The following SQOR variants were observed in gnomAD, a reference collection of about 807,000 sequenced individuals.
The protein encoded by SQOR is sulfide quinone oxidoreductase, also known as sulfide:quinone oxidoreductase, mitochondrial.
SQOR carries 39 observed loss-of-function variants against 48.6 expected under a neutral mutation model. That is an observed-to-expected ratio of 0.80 (90% CI 0.62 to 1.05). The LOEUF (loss-of-function observed/expected upper bound fraction) is 1.05. SQOR is among the 50% of genes least tolerant of loss of function. The probability of loss-of-function intolerance (pLI) is 0.00; values close to 1 mark genes in which losing one functional copy is unlikely to be tolerated. For missense variants in SQOR, 561 were observed against 559.9 expected (o/e 1.00, Z -0.02); for synonymous variants, 220 against 206.2 (o/e 1.07, Z -0.57).
chr15:45,660,811 GT>G (rs2140948716), intron 2 of SQOR, among the ~76,000 whole-genome samples: 1 of 152,174 alleles, frequency 6.6e-6, no homozygotes, highest in African/African-American at 2.4e-5. Context: ...CATTCCTGGT[GT>G]CCTCTTCACC....
chr15:45,691,085 C>T lies in SQOR; in HGVS notation c.*55C>T. The T allele has an allele frequency of 6.8e-7, 1 of 1,466,594 alleles. No homozygotes were observed. The highest frequency in any genetic ancestry group is 1.7e-5 in the Admixed American group (1 of 59,822). The allele number at this position is 1,466,594 out of a possible 1,614,324, so 90.8% of individuals were successfully genotyped here. On this transcript the variant is annotated 3_prime_UTR_variant, in exon 10 of 10. Transcript: ENST00000260324. ...GGCTTCTGGGCCAAAACTGCAGTCA[C>T]TGAATGACCAAGAGCAGCACGAAGG...
At chr15:45,653,248 C>T (rs911711960) in intron 1 of SQOR, among the ~76,000 whole-genome samples, 4 of 143,520 alleles carry the variant, frequency 2.8e-5, no homozygotes, top group Non-Finnish European at 6.1e-5. Context: ...ACTTCAGACG[C>T]CAGCCAGGCA....
At chr15:45,676,460 A>T in intron 6 of SQOR, 150 bp downstream of exon 6, 1 of 789,382 alleles carries the variant, frequency 1.3e-6, no homozygotes, top group East Asian at 2.7e-5. Flanking sequence ...TAGGGCAAGA[A>T]GGTAGGCCAA....
chr15:45,632,317 T>G (rs527663784), upstream of SQOR, among the ~76,000 whole-genome samples: 465 of 151,924 alleles, frequency 3.1e-3, 1 homozygote, highest in African/African-American at 0.011. Context: ...CCTGCTGGGT[T>G]CAAGCAATTC....
In SQOR at chr15:45,639,754, G is replaced by A. The variant is rs966436379; in HGVS notation, c.-18+4646G>A. Among the ~76,000 whole-genome samples, 5 of 152,206 alleles carry A rather than the reference G, an allele frequency of 3.3e-5. No homozygotes were observed. The East Asian group carries it at 7.7e-4, about 23-fold the overall frequency. ...GACAGTGCTGGGTCTAGTAAATGTGGTTTTGTGTTTCTGTGAGCACATAAA... is the reference window on the plus strand; with the variant it reads ...GACAGTGCTGGGTCTAGTAAATGTGATTTTGTGTTTCTGTGAGCACATAAA... On this transcript the variant is annotated intron_variant, in intron 1 of 9. Transcript: ENST00000260324.
intron 3 of SQOR, among the ~76,000 whole-genome samples, chr15:45,665,980 CT>C (rs1336567049): frequency 6.6e-6 from 1 of 152,232 alleles, no homozygotes; most frequent in African/African-American, 2.4e-5. Context: ...TGATTCTTCC[CT>C]GATCCGGGGG....
At chr15:45,671,743 C>G (rs926771572) in intron 4 of SQOR, among the ~76,000 whole-genome samples, 1 of 152,200 alleles carries the variant, frequency 6.6e-6, no homozygotes, top group Non-Finnish European at 1.5e-5. Flanking sequence ...CAGGCAGCCT[C>G]TCTTTGTCCA....
upstream of SQOR, among the ~76,000 whole-genome samples, chr15:45,634,198 C>CCATATATATATATATATATATATATA (rs575224025): frequency 4.6e-5 from 2 of 43,866 alleles, no homozygotes; most frequent in Non-Finnish European, 9.8e-5. Context: ...ACAACAACAA[C>CCATATATATATATATATATATATATA]TATATATATA....
At chr15:45,657,892 A>T (rs1468989433) in intron 1 of SQOR, among the ~76,000 whole-genome samples, 1 of 152,170 alleles carries the variant, frequency 6.6e-6, no homozygotes, top group Non-Finnish European at 1.5e-5. Flanking sequence ...ACTTGACGGT[A>T]GGATTTGGGG....
At chr15:45,670,448 G>A (rs1419800351) in intron 4 of SQOR, among the ~76,000 whole-genome samples, 1 of 152,214 alleles carries the variant, frequency 6.6e-6, no homozygotes, top group Non-Finnish European at 1.5e-5. Flanking sequence ...TTAGTGTGAA[G>A]TAACCGATGC....
At chr15:45,645,977 G>A (rs1895197719) in intron 1 of SQOR, 1 of 152,190 alleles carries the variant, frequency 6.6e-6, no homozygotes, top group Non-Finnish European at 1.5e-5. Context: ...AGAGATCGCA[G>A]AACAAAGGGT....
intron 7 of SQOR, among the ~76,000 whole-genome samples, chr15:45,684,004 C>G (rs1890175401): frequency 6.6e-6 from 1 of 151,988 alleles, no homozygotes; most frequent in Admixed American, 6.6e-5. Context: ...CTCTGTCTCC[C>G]AGGTTCAAGC....
chr15:45,684,878 G>C (rs965292248), intron 7 of SQOR, among the ~76,000 whole-genome samples: 3 of 152,122 alleles, frequency 2.0e-5, no homozygotes, highest in Non-Finnish European at 4.4e-5. Flanking sequence ...GTGCATCTGC[G>C]TGGCTTTCAC....
chr15:45,632,521 AG>A (rs1894916451), upstream of SQOR, among the ~76,000 whole-genome samples: 1 of 151,922 alleles, frequency 6.6e-6, no homozygotes, highest in Non-Finnish European at 1.5e-5. Context: ...CACCCAGCCC[AG>A]GACATGTTTC....
At position 45,669,794 on chromosome 15, in the gene SQOR, C is replaced by T. The variant is rs146294634; in HGVS notation, c.406-134C>T. On this transcript the variant is annotated intron_variant, in intron 3 of 9. Coordinates refer to ENST00000260324, the MANE Select transcript of SQOR (RefSeq NM_021199.4). Reference sequence around the variant, plus strand: ...CCCAACCTTGTTCTGCTTCGATTTTCTCATCTGTTCTATGGGCTAATAATA... The same window carrying T: ...CCCAACCTTGTTCTGCTTCGATTTTTTCATCTGTTCTATGGGCTAATAATA... The T allele has an allele frequency of 1.5e-4, 112 of 732,556 alleles. No individual in the cohort carries two copies. In the African/African-American group the frequency reaches 1.9e-3, roughly 12 times the overall value. 45.4% of individuals were successfully genotyped at this position (732,556 alleles called of 1,614,324 possible). A position where few individuals can be genotyped will look rare whatever the true frequency, so the allele number is the denominator to read the frequency against.
At chr15:45,644,626 C>CCTCA (rs1361039647) in intron 1 of SQOR, among the ~76,000 whole-genome samples, 1 of 152,104 alleles carries the variant, frequency 6.6e-6, no homozygotes, top group African/African-American at 2.4e-5. Context: ...AGGCATAACA[C>CCTCA]CTCACATGGG....
chr15:45,636,988 C>CT (rs11303902), intron 1 of SQOR, among the ~76,000 whole-genome samples: 3,538 of 141,518 alleles, frequency 0.025, 39 homozygotes, highest in Non-Finnish European at 0.033. Flanking sequence ...GTAACCTTGG[C>CT]TTTTTTTTTT....
At chr15:45,634,225 T>TATATATATATA (rs1566912034), upstream of SQOR, among the ~76,000 whole-genome samples, 23 of 125,836 alleles carry the variant, frequency 1.8e-4, no homozygotes, top group East Asian at 4.9e-4. Flanking sequence ...TATATATATA[T>TATATATATATA]TCAAAATTCA....
intron 3 of SQOR, among the ~76,000 whole-genome samples, chr15:45,666,044 T>C (rs1356438132): frequency 1.3e-5 from 2 of 151,758 alleles, no homozygotes; most frequent in Non-Finnish European, 2.9e-5. Flanking sequence ...TCCTTGCTCC[T>C]TCTCCAGGCT....
Sources: gnomAD v4.1 joint callset for allele counts (sites outside exome capture counted in the v4.1 genomes callset) on GRCh38, gnomAD v4.1.1 for gene constraint, MANE v1.5 for transcripts, NCBI Gene and HGNC (gene_info 2026-07-23, HGNC 2026-07-21) for gene names.